SS18: variants seen among roughly 807,000 people sequenced by gnomAD.
SS18 encodes the protein SS18 subunit of BAF chromatin remodeling complex, also known as protein SSXT.
Under a neutral mutation model 72.5 loss-of-function variants are expected in SS18, and 28 were observed. That is an observed-to-expected ratio of 0.39 (90% confidence interval 0.29 to 0.53). The LOEUF (loss-of-function observed/expected upper bound fraction) is 0.53. Ranked by LOEUF, SS18 falls within the 20% of genes least tolerant of loss-of-function variation. The pLI is 0.76. For synonymous variants in SS18, 172 were observed against 164.2 expected (o/e 1.05, Z -0.37); for missense variants, 518 against 535.3 (o/e 0.97, Z 0.32).
chr18:26,033,711 G>C (rs1598539320), intron 9 of SS18, among the ~76,000 whole-genome samples: 1 of 151,754 alleles, frequency 6.6e-6, no homozygotes, highest in Admixed American at 6.6e-5. Flanking sequence ...TGGAAATAAA[G>C]TTTTTTTTGG....
chr18:26,039,244 C>G (rs777963389), intron 6 of SS18, 45 bp downstream of exon 6: 2 of 1,462,488 alleles, frequency 1.4e-6, no homozygotes, highest in South Asian at 1.4e-5. Context: ...AAATTTAAAG[C>G]CTTTCAATTA....
chr18:26,071,967 A>T (rs1251870373), intron 3 of SS18, among the ~76,000 whole-genome samples: 1 of 152,208 alleles, frequency 6.6e-6, no homozygotes, highest in Non-Finnish European at 1.5e-5. Context: ...AGGAGGTGAA[A>T]AAAAAAGTGA....
intron 6 of SS18, 24 bp downstream of exon 6, chr18:26,039,265 C>G (rs745967960): frequency 6.5e-7 from 1 of 1,534,706 alleles, no homozygotes; most frequent in African/African-American, 1.4e-5. Context: ...CATTAAGTAG[C>G]AAATTTTCCA....
chr18:26,038,511 A>C, intron 7 of SS18, 44 bp downstream of exon 7: 1 of 1,498,218 alleles, frequency 6.7e-7, no homozygotes, highest in South Asian at 1.1e-5. Context: ...CATTAATATT[A>C]GGCAGGGATA....
intron 10 of SS18, among the ~76,000 whole-genome samples, chr18:26,027,709 T>C (rs2053475194): frequency 7.4e-6 from 1 of 135,428 alleles, no homozygotes; most frequent in African/African-American, 3.1e-5. Context: ...AAAAAAGTCT[T>C]TTCAACAAAT....
At chr18:26,069,970 A>G (rs1468386372) in intron 3 of SS18, among the ~76,000 whole-genome samples, 1 of 152,184 alleles carries the variant, frequency 6.6e-6, no homozygotes, top group Non-Finnish European at 1.5e-5. Context: ...GCATACACAA[A>G]AAAATAGTCA....
Position 26,022,091 on chromosome 18 carries a change from A to C in SS18, c.1231-3711T>G, listed in dbSNP as rs2053361347. ...TTTCCTTCATTCTATTTACCTAATC[A>C]GTTTAAAATCTTAACATTATTCCTT... is the stretch of plus-strand genomic sequence containing the variant. On this transcript the variant is annotated intron_variant, in intron 10 of 10. Transcript: ENST00000415083. Among the ~76,000 whole-genome samples, 5 of 152,332 alleles carry C rather than the reference A, an allele frequency of 3.3e-5. No individual in the cohort carries two copies. The South Asian group carries it at 1.0e-3, about 32-fold the overall frequency.
Position 26,035,051 on chromosome 18 carries a change from C to G in SS18, c.1050G>C (p.Gln350His). Residue 350 changes from glutamine to histidine, a missense_variant, in exon 9 of 11, where the codon CAG becomes CAC. By Grantham distance (24) the Gln-to-His change is conservative. Transcript: ENST00000415083. This position sits in a 1 kb window ranked among gnomAD's most constrained non-coding sequence, Gnocchi z 4.4. ...GGTAACCTTGCTGCCCTGGGTACTG[C>G]TGCTGCTGGGGTGGATATCCCTGTT... ...PPQQGYPPQQ[Q>H]QYPGQQGYPG... 6.2e-7 allele frequency: 1 copy of G among 1,613,562 alleles called. No homozygotes were observed. The highest frequency in any genetic ancestry group is 8.5e-7 in the Non-Finnish European group (1 of 1,179,646).
At position 26,087,487 on chromosome 18, in the gene SS18, C is replaced by A. The variant is rs779073752; in HGVS notation, c.146+14G>T. Reference sequence around the variant, plus strand: ...AAAAAACTGAATAAAAAAAAAGTTTCTTATCAATCTTACTGAGAACACTCT... The same window carrying A: ...AAAAAACTGAATAAAAAAAAAGTTTATTATCAATCTTACTGAGAACACTCT... On this transcript the variant is annotated intron_variant, in intron 2 of 10. Coordinates refer to ENST00000415083, the MANE Select transcript of SS18 (RefSeq NM_001007559.3). 2.0e-6 allele frequency: 3 copies of A among 1,499,026 alleles called. No homozygotes were observed. Among genetic ancestry groups the A allele is most frequent in the African/African-American group, 2.8e-5 (2 of 70,464 alleles). 92.9% of individuals were successfully genotyped at this position (1,499,026 alleles called of 1,614,324 possible). A position where few individuals can be genotyped will look rare whatever the true frequency, so the allele number is the denominator to read the frequency against.
rs1462338214 is a variant in SS18, at chr18:26,035,422, A to T, written c.974-295T>A. ...AGATCATGACTATGCTAAATAAAAT[A>T]AAAAAGACAAAATTAAAGACAGCTA... On this transcript the variant is annotated intron_variant, in intron 8 of 10. Transcript: ENST00000415083. This position sits in a 1 kb window ranked among gnomAD's most constrained non-coding sequence, Gnocchi z 4.4. 2 of 331,568 alleles carry T rather than the reference A, an allele frequency of 6.0e-6. No individual in the cohort carries two copies. The highest frequency in any genetic ancestry group is 5.8e-5 in the East Asian group (1 of 17,340). The allele number at this position is 331,568 out of a possible 1,614,324, so 20.5% of individuals were successfully genotyped here. A position where few individuals can be genotyped will look rare whatever the true frequency, so the allele number is the denominator to read the frequency against.
intron 10 of SS18, among the ~76,000 whole-genome samples, chr18:26,029,443 A>G (rs75608593): frequency 6.6e-6 from 1 of 152,200 alleles, no homozygotes; most frequent in African/African-American, 2.4e-5. Flanking sequence ...AACAGTCCAG[A>G]TGAGTGCTAG....
Position 26,038,615 on chromosome 18 carries a change from G to C in SS18, c.820C>G (p.Gln274Glu), listed in dbSNP as rs372046167. ...YSGQEDYYGDQYSHGGQGPPE... is the reference protein window; with the variant it reads ...YSGQEDYYGDEYSHGGQGPPE... Reference sequence around the variant, plus strand: ...GGACCTTGTCCACCATGACTGTATTGGTCCCCGTAATAGTCTTCCTGGCCT... The same window carrying C: ...GGACCTTGTCCACCATGACTGTATTCGTCCCCGTAATAGTCTTCCTGGCCT... Residue 274 changes from glutamine to glutamate, a missense_variant, in exon 7 of 11, where the codon CAA (glutamine) becomes GAA (glutamate). By Grantham distance (29) the Gln-to-Glu change is conservative. Coordinates refer to ENST00000415083, the MANE Select transcript of SS18 (RefSeq NM_001007559.3). The C allele has an allele frequency of 8.7e-6, 14 of 1,613,528 alleles. No homozygotes were observed. Among genetic ancestry groups the C allele is most frequent in the Non-Finnish European group, 1.2e-5 (14 of 1,179,604 alleles).
intron 3 of SS18, among the ~76,000 whole-genome samples, chr18:26,070,968 G>T (rs184810037): frequency 1.3e-3 from 197 of 152,102 alleles, no homozygotes; most frequent in South Asian, 4.1e-3. Flanking sequence ...AGAAATTCTA[G>T]AAATAGAAAA....
chr18:26,064,426 C>T (rs867406726), intron 3 of SS18, among the ~76,000 whole-genome samples: 1 of 152,058 alleles, frequency 6.6e-6, no homozygotes, highest in Non-Finnish European at 1.5e-5. Context: ...AAAGATAATA[C>T]ATTATAACCA....
At chr18:26,033,511 CAA>C (rs761018834) in intron 9 of SS18, among the ~76,000 whole-genome samples, 29 of 83,360 alleles carry the variant, frequency 3.5e-4, no homozygotes, top group Admixed American at 7.9e-4. Flanking sequence ...AAACTCCGTC[CAA>C]AAAAAAAAAA....
At chr18:26,060,085 A>T (rs1406837563) in intron 3 of SS18, among the ~76,000 whole-genome samples, 8 of 152,206 alleles carry the variant, frequency 5.3e-5, no homozygotes, top group African/African-American at 1.7e-4. Flanking sequence ...TTCACGCAAA[A>T]TTTCTACACA....
intron 10 of SS18, chr18:26,023,699 G>A: frequency 3.9e-6 from 2 of 518,026 alleles, no homozygotes; most frequent in Non-Finnish European, 7.4e-6. Context: ...ACATACAAAA[G>A]CTGATTATTA....
At chr18:26,063,063 A>T (rs990632534) in intron 3 of SS18, among the ~76,000 whole-genome samples, 4 of 152,272 alleles carry the variant, frequency 2.6e-5, no homozygotes, top group Non-Finnish European at 5.9e-5. Flanking sequence ...TGTTCAATAC[A>T]CATTGTTCTC....
chr18:26,034,242 AT>A (rs1643368478), intron 9 of SS18, among the ~76,000 whole-genome samples: 1 of 152,146 alleles, frequency 6.6e-6, no homozygotes, highest in African/African-American at 2.4e-5. Flanking sequence ...ATAATAAGAT[AT>A]TACCGACGTG....
Sources: gnomAD v4.1 joint callset for allele counts (sites outside exome capture counted in the v4.1 genomes callset) on GRCh38, gnomAD v4.1.1 for gene constraint, Gnocchi (gnomAD v3.1) non-coding constraint, MANE v1.5 for transcripts, NCBI Gene and HGNC (gene_info 2026-07-23, HGNC 2026-07-21) for gene names.